The following ATG10 variants were observed in gnomAD, a reference collection of about 807,000 sequenced individuals.
The protein encoded by ATG10 is autophagy related 10, also known as ubiquitin-like-conjugating enzyme ATG10.
ATG10 carries 30 observed loss-of-function variants against 32.1 expected under a neutral mutation model. The ratio of observed to expected loss-of-function variants is 0.94; its 90% CI spans 0.70 to 1.27. ATG10 has a LOEUF of 1.27. Among genes scored for constraint, ATG10 ranks in the 50% most tolerant of loss-of-function variants. The pLI is 0.00. For synonymous variants in ATG10, 87 were observed against 91.5 expected, an observed-to-expected ratio of 0.95 and a Z score of 0.28; for missense variants, 233 against 262.3, an observed-to-expected ratio of 0.89 and a Z score of 0.77.
At chr5:82,028,172 G>A (rs1001199031) in intron 2 of ATG10, among the ~76,000 whole-genome samples, 1 of 152,166 alleles carries the variant, frequency 6.6e-6, no homozygotes, top group African/African-American at 2.4e-5. Flanking sequence ...ATGTATTGAC[G>A]TTATATTGGA....
At chr5:82,241,048 A>G (rs1042337406) in intron 5 of ATG10, among the ~76,000 whole-genome samples, 2 of 152,348 alleles carry the variant, frequency 1.3e-5, no homozygotes, top group African/African-American at 2.4e-5. Flanking sequence ...AAAAAGATCA[A>G]TATCCCAAAA....
chr5:82,168,920 A>G (rs1213235667), intron 4 of ATG10, among the ~76,000 whole-genome samples: 1 of 152,182 alleles, frequency 6.6e-6, no homozygotes, highest in Non-Finnish European at 1.5e-5. Context: ...AGGAAGCCGA[A>G]GAATAAAAGT....
At chr5:82,139,567 G>GGCA (rs1397165332) in intron 3 of ATG10, among the ~76,000 whole-genome samples, 1 of 138,644 alleles carries the variant, frequency 7.2e-6, no homozygotes, top group Non-Finnish European at 1.6e-5. Flanking sequence ...GTCTCTGCCC[G>GGCA]GCCGCCCCGT....
In ATG10 at chr5:82,028,297, A is replaced by G. The variant is rs533618276; in HGVS notation, c.109-30198A>G. Among the ~76,000 whole-genome samples the G allele has an allele frequency of 5.8e-4, 89 of 152,344 alleles. 1 individual carries two copies. The highest frequency in any genetic ancestry group is 1.8e-4 in the Non-Finnish European group (12 of 68,030). On this transcript the variant is annotated intron_variant, in intron 2 of 7. Coordinates refer to ENST00000282185, the MANE Select transcript of ATG10 (RefSeq NM_031482.5). ...AATTGCTGTATGAGTTATGATTCCT[A>G]AAGAGAAATTCTTGGAAAAATATCA...
At chr5:82,136,687 T>C (rs1200092981) in intron 3 of ATG10, among the ~76,000 whole-genome samples, 1 of 152,162 alleles carries the variant, frequency 6.6e-6, no homozygotes, top group Non-Finnish European at 1.5e-5. Flanking sequence ...GATGATTATA[T>C]GTTGGGGTTG....
intron 5 of ATG10, among the ~76,000 whole-genome samples, chr5:82,197,720 T>TTCTATCTATCTATCTATCTATCTA (rs10586711): frequency 7.0e-6 from 1 of 143,830 alleles, no homozygotes; most frequent in Admixed American, 7.1e-5. Context: ...CTTTCTTTCT[T>TTCTATCTATCTATCTATCTATCTA]TCTATCTATC....
chr5:82,138,241 G>C (rs1766851498), intron 3 of ATG10, among the ~76,000 whole-genome samples: 1 of 152,082 alleles, frequency 6.6e-6, no homozygotes. Context: ...GAATGATTCT[G>C]TCTCACTGGT....
chr5:82,098,502 G>A (rs181831497), intron 3 of ATG10, among the ~76,000 whole-genome samples: 13 of 151,834 alleles, frequency 8.6e-5, no homozygotes, highest in Admixed American at 2.0e-4. Context: ...GTAGAGATGC[G>A]GTTTCACCAT....
chr5:82,055,247 A>T (rs1763554986), intron 2 of ATG10, among the ~76,000 whole-genome samples: 1 of 152,330 alleles, frequency 6.6e-6, no homozygotes, highest in African/African-American at 2.4e-5. Flanking sequence ...GATACTGAAA[A>T]AAAATCACCA....
At chr5:81,978,590 T>C (rs56299134) in intron 1 of ATG10, among the ~76,000 whole-genome samples, 2,523 of 152,300 alleles carry the variant, frequency 0.017, 75 homozygotes, top group African/African-American at 0.057. Context: ...TATTAAAAAA[T>C]TATCTTTTGA....
chr5:82,164,252 A>T, intron 3 of ATG10, 147 bp from the exon 4 acceptor site: 1 of 738,054 alleles, frequency 1.4e-6, no homozygotes, highest in Non-Finnish European at 2.2e-6. Flanking sequence ...GTTAAACATT[A>T]ATATGGGAAA....
intron 2 of ATG10, among the ~76,000 whole-genome samples, chr5:82,012,611 C>T (rs1438646392): frequency 6.6e-6 from 1 of 152,106 alleles, no homozygotes; most frequent in African/African-American, 2.4e-5. Context: ...TGGCTAATTC[C>T]CCATAGTAGT....
At chr5:82,057,442 G>A (rs1044682492) in intron 2 of ATG10, among the ~76,000 whole-genome samples, 12 of 152,240 alleles carry the variant, frequency 7.9e-5, no homozygotes, top group African/African-American at 2.9e-4. Context: ...TCCAGTGGCT[G>A]ATGGCAATCT....
chr5:82,191,203 T>C (rs531047183), intron 5 of ATG10, among the ~76,000 whole-genome samples: 5 of 152,242 alleles, frequency 3.3e-5, no homozygotes, highest in African/African-American at 1.2e-4. Flanking sequence ...CTGAAGTTAC[T>C]GATAAATAGC....
intron 2 of ATG10, among the ~76,000 whole-genome samples, chr5:82,026,834 G>T (rs969378815): frequency 7.2e-5 from 11 of 152,108 alleles, no homozygotes; most frequent in Admixed American, 3.3e-4. Context: ...GCCAAGGTGG[G>T]TGGATCATGA....
intron 3 of ATG10, among the ~76,000 whole-genome samples, chr5:82,106,382 A>G (rs796143282): frequency 6.6e-6 from 1 of 152,056 alleles, no homozygotes; most frequent in Non-Finnish European, 1.5e-5. Flanking sequence ...AGTGGTATGA[A>G]GCCGTATTTG....
intron 3 of ATG10, among the ~76,000 whole-genome samples, chr5:82,067,202 T>C (rs530696063): frequency 1.2e-4 from 18 of 152,246 alleles, no homozygotes; most frequent in African/African-American, 4.1e-4. Context: ...TAATTTAAAG[T>C]GTAAGTGTAT....
chr5:82,122,623 G>A (rs1746015552), intron 3 of ATG10, among the ~76,000 whole-genome samples: 1 of 152,116 alleles, frequency 6.6e-6, no homozygotes, highest in Admixed American at 6.5e-5. Context: ...TCTGACAATG[G>A]TCTAATATCC....
intron 2 of ATG10, among the ~76,000 whole-genome samples, chr5:82,022,188 CA>C (rs1243283026): frequency 5.1e-4 from 67 of 130,976 alleles, no homozygotes; most frequent in Non-Finnish European, 5.3e-4. Context: ...TACTCCGTCT[CA>C]AAAAAAAAAA....
Sources: allele counts gnomAD v4.1 joint callset (sites outside exome capture counted in the v4.1 genomes callset), GRCh38; gene constraint gnomAD v4.1.1; transcripts MANE v1.5; gene names NCBI Gene and HGNC (gene_info 2026-07-23, HGNC 2026-07-21).